DBN1: variants seen among roughly 807,000 people sequenced by gnomAD.
DBN1 encodes drebrin 1.
DBN1 carries 21 observed loss-of-function variants against 83.5 expected under a neutral mutation model. The ratio of observed to expected loss-of-function variants is 0.25; its 90% CI spans 0.18 to 0.36. DBN1 has a LOEUF of 0.36. Ranked by LOEUF, DBN1 falls within the 10% of genes least tolerant of loss-of-function variation. DBN1 has a pLI of 1.00. For missense variants in DBN1, 874 were observed against 935.7 expected (o/e 0.93, Z 0.86); for synonymous variants, 381 against 384.9 (o/e 0.99, Z 0.12).
At chr5:177,463,198 G>A (rs1757173075) in intron 8 of DBN1, among the ~76,000 whole-genome samples, 2 of 152,118 alleles carry the variant, frequency 1.3e-5, no homozygotes, top group South Asian at 4.1e-4. Flanking sequence ...CACCACGCTC[G>A]GCTAATTTCT....
In DBN1 at chr5:177,460,662, C is replaced by T; in HGVS notation, c.813G>A (p.Lys271=). Residue 271 remains lysine (K), a synonymous_variant, in exon 9 of 15, where the codon AAG becomes AAA. Transcript: ENST00000393565. ...CTCTCACCTCCACCTCCGACTCTGA[C>T]TTCTTCATGTGGGTCTCTTCCTCCT... is the stretch of plus-strand genomic sequence containing the variant. ...RDEEEETHMK[K]SESEVEEAAA... 6.2e-7 allele frequency: 1 copy of T among 1,614,246 alleles called. No homozygotes were observed. The highest frequency in any genetic ancestry group is 1.1e-5 in the South Asian group (1 of 91,086).
In DBN1 at chr5:177,467,601, G is replaced by A. The variant is rs751615643; in HGVS notation, c.357C>T (p.Ser119=). 3 of 1,571,278 alleles carry A rather than the reference G, an allele frequency of 1.9e-6. No homozygotes were observed. Among genetic ancestry groups the A allele is most frequent in the Non-Finnish European group, 1.7e-6 (2 of 1,158,278 alleles). ...CACCCGCGTCTATGTCTTCCACGCT[G>A]CTGGCGTTCACGATCACGTCGACAC... ...FQGVDVIVNA[S]SVEDIDAGAI... Residue 119 remains serine (S), a synonymous_variant, in exon 5 of 15, where the codon AGC becomes AGT. Transcript: ENST00000393565. The surrounding 1 kb of genome is among the most constrained non-coding windows in gnomAD (Gnocchi z 9.1).
In DBN1 at chr5:177,456,713, C is replaced by T. The variant is rs1385908006; in HGVS notation, c.*720G>A. ...AAAAAAAAAAAAAACAGTTACTAAA[C>T]GTGAAAAAGGAACCCAAGCAAAGAG... On this transcript the variant is annotated 3_prime_UTR_variant, in exon 15 of 15. Coordinates refer to ENST00000393565, the MANE Select transcript of DBN1 (RefSeq NM_001363541.2). 4.3e-5 allele frequency: 5 copies of T among 116,132 alleles called. 1 individual carries two copies. The East Asian group carries it at 1.4e-3, about 33-fold the overall frequency. 7.2% of individuals were successfully genotyped at this position (116,132 alleles called of 1,614,324 possible).
chr5:177,460,827 T>C, intron 8 of DBN1, 124 bp from the exon 9 acceptor site: 1 of 924,738 alleles, frequency 1.1e-6, no homozygotes, highest in Non-Finnish European at 1.6e-6. Flanking sequence ...CCACCCAGGC[T>C]GGGGAGCAGT....
chr5:177,469,059 C>T (rs1396323889), intron 1 of DBN1, among the ~76,000 whole-genome samples, 160 bp from the exon 2 acceptor site: 6 of 151,854 alleles, frequency 4.0e-5, no homozygotes, highest in African/African-American at 9.7e-5. Context: ...TCGGTTCAGG[C>T]GGGAGCCCAG....
rs959874186 is a variant in DBN1, at chr5:177,468,167, C to T, written c.196G>A (p.Gly66Ser). The change falls in exon 3 of 15, where the codon GGC (glycine) becomes AGC (serine). Residue 66 changes from glycine to serine, a missense_variant. Coordinates refer to ENST00000393565, the MANE Select transcript of DBN1 (RefSeq NM_001363541.2). ...TGGGAGTCCTTGACACTGCAGAAGC[C>T]GTACATCACCTTCTGGTTCTCAAAG... is the stretch of plus-strand genomic sequence containing the variant. ...GHFENQKVMY[G>S]FCSVKDSQAA... 25 of 1,614,038 alleles carry T rather than the reference C, an allele frequency of 1.5e-5. No individual in the cohort carries two copies. The highest frequency in any genetic ancestry group is 1.9e-5 in the Non-Finnish European group (23 of 1,180,044).
At chr5:177,457,847 G>T (rs768394751) in intron 13 of DBN1, 90 bp from the exon 14 acceptor site, 4 of 948,150 alleles carry the variant, frequency 4.2e-6, no homozygotes, top group African/African-American at 3.4e-5. Flanking sequence ...AGCAACCAAT[G>T]ATTCCATCAG....
chr5:177,469,776 C>T (rs534258422), intron 1 of DBN1, among the ~76,000 whole-genome samples: 326 of 152,316 alleles, frequency 2.1e-3, no homozygotes, highest in Middle Eastern at 0.01. Context: ...CTCCATCACC[C>T]CATGCAGGCC....
rs555570282 is a variant in DBN1 at position 177,460,723 on chromosome 5, T to C, written c.772-20A>G. 4 of 1,612,812 alleles carry C rather than the reference T, an allele frequency of 2.5e-6. No individual in the cohort carries two copies. Among genetic ancestry groups the C allele is most frequent in the Admixed American group, 3.3e-5 (2 of 59,952 alleles). On this transcript the variant is annotated intron_variant, in intron 8 of 14. Transcript: ENST00000393565. ...GTCACCCTAGAAACCAAAGGGACAG[T>C]GTCTGGTGCACCTACCCCCCACAGG...
rs528487525 is a variant in DBN1, at chr5:177,462,213, C to A, written c.772-1510G>T. The A allele has an allele frequency of 8.5e-5, 84 of 985,290 alleles. 1 individual carries two copies. The African/African-American group carries it at 1.4e-3, about 16-fold the overall frequency. The allele number at this position is 985,290 out of a possible 1,614,324, so 61.0% of individuals were successfully genotyped here. A position where few individuals can be genotyped will look rare whatever the true frequency, so the allele number is the denominator to read the frequency against. Reference sequence around the variant, plus strand: ...CAACACCACCCCCTGCCGGCCCCCACCCCAAGGCTCCCACATACTGTGAGA... The same window carrying A: ...CAACACCACCCCCTGCCGGCCCCCAACCCAAGGCTCCCACATACTGTGAGA... On this transcript the variant is annotated intron_variant, in intron 8 of 14. Coordinates refer to ENST00000393565, the MANE Select transcript of DBN1 (RefSeq NM_001363541.2).
chr5:177,460,849 G>A (rs545701421), intron 8 of DBN1, 146 bp from the exon 9 acceptor site: 115 of 769,730 alleles, frequency 1.5e-4, no homozygotes, highest in Non-Finnish European at 2.0e-4. Flanking sequence ...GTACAATCAC[G>A]GCTCACTGCA....
intron 1 of DBN1, 151 bp from the exon 2 acceptor site, chr5:177,469,050 C>T (rs1464088829): frequency 6.4e-6 from 3 of 472,384 alleles, no homozygotes; most frequent in African/African-American, 4.0e-5. Context: ...GGCCAGGCAT[C>T]GGTTCAGGCG....
At chr5:177,460,334 G>T (rs1756927326) in intron 10 of DBN1, 98 bp downstream of exon 10, 2 of 1,566,238 alleles carry the variant, frequency 1.3e-6, no homozygotes, top group South Asian at 2.2e-5. Context: ...TTCTCCAAGG[G>T]TTGCTTGGGC....
intron 12 of DBN1, 120 bp from the exon 13 acceptor site, chr5:177,458,827 C>T: frequency 8.7e-7 from 1 of 1,147,988 alleles, no homozygotes; most frequent in Non-Finnish European, 1.2e-6. Flanking sequence ...CCACTGCCCC[C>T]TTACCCAGTG....
chr5:177,459,741 C>G lies in DBN1; in HGVS notation c.956-1G>C. The G allele has an allele frequency of 1.3e-6, 2 of 1,500,264 alleles. No individual in the cohort carries two copies. The highest frequency in any genetic ancestry group is 1.8e-6 in the Non-Finnish European group (2 of 1,122,276). The allele number at this position is 1,500,264 out of a possible 1,614,324, so 92.9% of individuals were successfully genotyped here. A position where few individuals can be genotyped will look rare whatever the true frequency, so the allele number is the denominator to read the frequency against. On this transcript the variant is annotated splice_acceptor_variant, in intron 10 of 14. Transcript: ENST00000393565. LOFTEE classifies it high-confidence loss of function. ...TTTATGAAAGGGCAGTACGGACGACCTGCCGAGAGAGACAGACAGAGAAAG... is the reference window on the plus strand; with the variant it reads ...TTTATGAAAGGGCAGTACGGACGACGTGCCGAGAGAGACAGACAGAGAAAG...
rs200304700 is a variant in DBN1 at position 177,458,712 on chromosome 5, C to A, written c.1265-5G>T. ...TGGGGCTGGGCTCCTGGGTCTCTGTCACAGCACAGGCAGAGGAGATATGTA... is the reference window on the plus strand; with the variant it reads ...TGGGGCTGGGCTCCTGGGTCTCTGTAACAGCACAGGCAGAGGAGATATGTA... On this transcript the variant is annotated splice_region_variant and splice_polypyrimidine_tract_variant and intron_variant, in intron 12 of 14. Transcript: ENST00000393565. The A allele has an allele frequency of 9.9e-6, 15 of 1,510,810 alleles. No individual in the cohort carries two copies. Among genetic ancestry groups the A allele is most frequent in the Admixed American group, 2.3e-5 (1 of 43,930 alleles). The allele number at this position is 1,510,810 out of a possible 1,614,324, so 93.6% of individuals were successfully genotyped here.
Position 177,467,051 on chromosome 5 carries a change from C to T in DBN1, c.567G>A (p.Glu189=), listed in dbSNP as rs1470045139. 1.2e-5 allele frequency: 20 copies of T among 1,613,770 alleles called. No individual in the cohort carries two copies. Among genetic ancestry groups the T allele is most frequent in the Non-Finnish European group, 1.7e-5 (20 of 1,179,948 alleles). The part of the protein sequence containing the change: ...QFWEQAKKEE[E]LRKEEERKKA... ...TCTTCCGCTCCTCCTCCTTCCGCAG[C>T]TCTTCTTCCTTCTGCAAGCCCCGGT... is the stretch of plus-strand genomic sequence containing the variant. The change falls in exon 7 of 15, where the codon GAG becomes GAA. Residue 189 remains glutamate (E), a synonymous_variant. Coordinates refer to ENST00000393565, the MANE Select transcript of DBN1 (RefSeq NM_001363541.2). This position sits in a 1 kb window ranked among gnomAD's most constrained non-coding sequence, Gnocchi z 9.1.
intron 8 of DBN1, among the ~76,000 whole-genome samples, chr5:177,463,524 G>A (rs562903763): frequency 2.6e-5 from 4 of 152,202 alleles, no homozygotes; most frequent in African/African-American, 9.7e-5. Flanking sequence ...AACACAATTC[G>A]TAACAGGGGA....
chr5:177,460,374 A>T, intron 10 of DBN1, 58 bp downstream of exon 10: 2 of 1,610,228 alleles, frequency 1.2e-6, no homozygotes, highest in Non-Finnish European at 1.7e-6. Flanking sequence ...AGTCCCAGAG[A>T]GGCTCAGGGC....
Sources: gnomAD v4.1 joint callset for allele counts (sites outside exome capture counted in the v4.1 genomes callset) on GRCh38, gnomAD v4.1.1 for gene constraint, Gnocchi (gnomAD v3.1) non-coding constraint, MANE v1.5 for transcripts, NCBI Gene and HGNC (gene_info 2026-07-23, HGNC 2026-07-21) for gene names.